The following UGDH variants were observed in gnomAD, a reference collection of about 807,000 sequenced individuals.
The protein encoded by UGDH is UDP-Glc dehydrogenase.
UGDH carries 38 observed loss-of-function variants against 50.6 expected under a neutral mutation model. The ratio of observed to expected loss-of-function variants is 0.75; its 90% CI spans 0.58 to 0.98. UGDH has a LOEUF of 0.98. Among genes scored for constraint, UGDH ranks in the 50% least tolerant of loss-of-function variants. UGDH has a pLI of 0.00. For missense variants in UGDH, 465 were observed against 606.2 expected (o/e 0.77, Z 2.45); for synonymous variants, 168 against 199.9 (o/e 0.84, Z 1.35).
At chr4:39,507,523 G>A (rs774986609) in intron 7 of UGDH, among the ~76,000 whole-genome samples, 1 of 152,066 alleles carries the variant, frequency 6.6e-6, no homozygotes, top group African/African-American at 2.4e-5. Flanking sequence ...GGCCAGTCTC[G>A]AACTCCCAAC....
At chr4:39,513,163 A>T (rs1746306631) in intron 3 of UGDH, among the ~76,000 whole-genome samples, 1 of 152,198 alleles carries the variant, frequency 6.6e-6, no homozygotes, top group African/African-American at 2.4e-5. Flanking sequence ...GGTGATAGCT[A>T]TATCATTACA....
rs554585407 is a variant in UGDH at position 39,500,743 on chromosome 4, G to A, written c.1375-490C>T. On this transcript the variant is annotated intron_variant, in intron 11 of 11. Transcript: ENST00000316423. ...CTGATCTTGGCTCACTGCAACCTCC[G>A]TCTCCTAGGTTCAAGCAATTCTCCT... 5.0e-4 allele frequency among the ~76,000 whole-genome samples: 74 copies of A among 147,118 alleles called. 2 individuals are homozygous for A. The highest frequency in any genetic ancestry group is 1.8e-3 in the African/African-American group (72 of 39,876).
At position 39,519,517 on chromosome 4, in the gene UGDH, C is replaced by T. The variant is rs567272124; in HGVS notation, c.162+1834G>A. ...TTTCTAAAACATTTTTAAAAATTACCCTAAACCAAATATAGTAGTAATATA... is the reference window on the plus strand; with the variant it reads ...TTTCTAAAACATTTTTAAAAATTACTCTAAACCAAATATAGTAGTAATATA... On this transcript the variant is annotated intron_variant, in intron 2 of 11. Coordinates refer to ENST00000316423, the MANE Select transcript of UGDH (RefSeq NM_003359.4). 2.5e-3 allele frequency among the ~76,000 whole-genome samples: 386 copies of T among 151,924 alleles called. 2 individuals are homozygous for T. Among genetic ancestry groups the T allele is most frequent in the African/African-American group, 9.0e-3 (371 of 41,428 alleles).
chr4:39,518,192 A>C (rs1472946873), intron 2 of UGDH, among the ~76,000 whole-genome samples: 1 of 152,058 alleles, frequency 6.6e-6, no homozygotes, highest in Non-Finnish European at 1.5e-5. Context: ...CAGCCTCCCA[A>C]AGTGCTGGGA....
intron 11 of UGDH, among the ~76,000 whole-genome samples, chr4:39,503,335 C>T (rs1481331726): frequency 6.6e-6 from 1 of 152,180 alleles, no homozygotes. Context: ...AGGTGTGAAC[C>T]ACTATGCCTG....
At chr4:39,527,167 A>G (rs577067781) in intron 1 of UGDH, 116 bp downstream of exon 1, 1 of 1,264,876 alleles carries the variant, frequency 7.9e-7, no homozygotes, top group South Asian at 1.2e-5. Context: ...CCCGGGACCC[A>G]GCGCAGCGAG....
At position 39,511,895 on chromosome 4, in the gene UGDH, G is replaced by A. The variant is rs574599031; in HGVS notation, c.265-1034C>T. On this transcript the variant is annotated intron_variant, in intron 3 of 11. Coordinates refer to ENST00000316423, the MANE Select transcript of UGDH (RefSeq NM_003359.4). ...CCTAATTTTTGTATTTTTAGACGGG[G>A]TTTCACCATGTTGGCCAGGGTGGTC... 5.2e-4 allele frequency among the ~76,000 whole-genome samples: 78 copies of A among 151,162 alleles called. No individual in the cohort carries two copies. In the South Asian group the frequency reaches 0.015, roughly 29 times the overall value.
At chr4:39,513,987 G>A in intron 3 of UGDH, 96 bp downstream of exon 3, 2 of 1,047,990 alleles carry the variant, frequency 1.9e-6, no homozygotes, top group Non-Finnish European at 2.8e-6. Context: ...AAGCAATGTT[G>A]AGGCTTAATA....
intron 1 of UGDH, among the ~76,000 whole-genome samples, chr4:39,522,555 A>T (rs1746706205): frequency 6.6e-6 from 1 of 152,298 alleles, no homozygotes; most frequent in South Asian, 2.1e-4. Flanking sequence ...AAGATTATCC[A>T]ATTCTTTTTG....
At chr4:39,502,303 C>G (rs77102251) in intron 11 of UGDH, among the ~76,000 whole-genome samples, 8,885 of 152,250 alleles carry the variant, frequency 0.058, 399 homozygotes, top group Admixed American at 0.17. Context: ...AGTTCACAGA[C>G]AAGGATGCCA....
intron 1 of UGDH, among the ~76,000 whole-genome samples, chr4:39,525,756 G>T (rs958211737): frequency 6.7e-6 from 1 of 148,852 alleles, no homozygotes; most frequent in Non-Finnish European, 1.5e-5. Context: ...TGATCCGCCC[G>T]TCTCGGCCTC....
intron 7 of UGDH, among the ~76,000 whole-genome samples, chr4:39,506,898 C>G (rs1313640379): frequency 6.6e-6 from 1 of 152,154 alleles, no homozygotes; most frequent in Non-Finnish European, 1.5e-5. Flanking sequence ...GGTGGTGCAC[C>G]TGTAGTCCCA....
intron 7 of UGDH, among the ~76,000 whole-genome samples, chr4:39,506,930 GA>G (rs1365304169): frequency 6.6e-6 from 1 of 152,178 alleles, no homozygotes; most frequent in East Asian, 1.9e-4. Flanking sequence ...GGCTCAGGTG[GA>G]AGGATCACTT....
At chr4:39,517,372 T>G (rs537534653) in intron 2 of UGDH, among the ~76,000 whole-genome samples, 2 of 152,078 alleles carry the variant, frequency 1.3e-5, no homozygotes, top group South Asian at 2.1e-4. Flanking sequence ...CCATCTAATT[T>G]TTTTTTGTAT....
At chr4:39,508,062 G>A (rs952533898) in intron 7 of UGDH, among the ~76,000 whole-genome samples, 3 of 151,810 alleles carry the variant, frequency 2.0e-5, no homozygotes, top group African/African-American at 7.3e-5. Context: ...TGATTAGCAG[G>A]AAAGATAAAT....
intron 1 of UGDH, among the ~76,000 whole-genome samples, chr4:39,524,589 G>A (rs926672930): frequency 4.0e-5 from 6 of 150,770 alleles, no homozygotes; most frequent in Non-Finnish European, 5.9e-5. Context: ...CGCAGCCTCC[G>A]CCTCCCAGGT....
intron 3 of UGDH, among the ~76,000 whole-genome samples, chr4:39,513,103 C>T (rs1746304294): frequency 6.6e-6 from 1 of 152,122 alleles, no homozygotes; most frequent in African/African-American, 2.4e-5. Context: ...CCATCATGCC[C>T]AGCTCGTAAA....
In UGDH at chr4:39,521,516, T is replaced by C. The variant is rs758961538; in HGVS notation, c.-4A>G. ...AGATCTTCTTAATTTCAAACATGAT[T>C]GTACTAGAAGGAAAACAGTAAGACT... On this transcript the variant is annotated 5_prime_UTR_variant, in exon 2 of 12. Transcript: ENST00000316423. The C allele has an allele frequency of 3.1e-6, 5 of 1,587,736 alleles. No homozygotes were observed. The highest frequency in any genetic ancestry group is 4.3e-6 in the Non-Finnish European group (5 of 1,167,988).
Position 39,514,166 on chromosome 4 carries a change from C to T in UGDH, c.181G>A (p.Val61Ile), listed in dbSNP as rs760920354. The change falls in exon 3 of 12, where the codon GTA becomes ATA. Residue 61 changes from valine to isoleucine, a missense_variant. Val to Ile is a conservative substitution (Grantham distance 29). Transcript: ENST00000316423. Reference protein sequence around the residue: ...PIYEPGLKEVVESCRGKNLFF... With the variant: ...PIYEPGLKEVIESCRGKNLFF... The stretch of plus-strand genomic sequence containing the variant: ...AGATTTTTTCCTCGACAGGATTCTA[C>T]CACTTCTTTTAGTCCTGGCTAAAAA... The T allele has an allele frequency of 4.4e-6, 7 of 1,582,858 alleles. No homozygotes were observed. Among genetic ancestry groups the T allele is most frequent in the Admixed American group, 2.1e-5 (1 of 48,426 alleles).
Sources: allele counts gnomAD v4.1 joint callset (sites outside exome capture counted in the v4.1 genomes callset), GRCh38; gene constraint gnomAD v4.1.1; transcripts MANE v1.5; gene names NCBI Gene and HGNC (gene_info 2026-07-23, HGNC 2026-07-21).